The following RBFOX2 variants were observed in gnomAD, a reference collection of about 807,000 sequenced individuals.
RBFOX2 encodes RNA binding fox-1 homolog 2, also known as RNA binding protein fox-1 homolog 2.
RBFOX2 carries 10 observed loss-of-function variants against 49.1 expected under a neutral mutation model. The ratio of observed to expected loss-of-function variants is 0.20; its 90% CI spans 0.13 to 0.35. RBFOX2 has a LOEUF of 0.35. Among genes scored for constraint, RBFOX2 ranks in the 10% least tolerant of loss-of-function variants. The pLI is 1.00. For missense variants in RBFOX2, 323 were observed against 486.9 expected (o/e 0.66, Z 3.17); for synonymous variants, 183 against 187.4 (o/e 0.98, Z 0.19).
intron 1 of RBFOX2, among the ~76,000 whole-genome samples, chr22:35,839,590 T>A (rs1355586851): frequency 1.3e-5 from 2 of 152,200 alleles, no homozygotes; most frequent in African/African-American, 4.8e-5. Flanking sequence ...TTCGTTCTCC[T>A]GTCAAGGAGG....
chr22:35,815,240 T>C (rs1952801151), intron 1 of RBFOX2, among the ~76,000 whole-genome samples: 1 of 152,200 alleles, frequency 6.6e-6, no homozygotes, highest in Admixed American at 6.5e-5. Context: ...CCAGATGGGT[T>C]GTTTACTTCA....
At chr22:35,979,781 C>T (rs934530428) in intron 1 of RBFOX2, among the ~76,000 whole-genome samples, 2 of 152,150 alleles carry the variant, frequency 1.3e-5, no homozygotes, top group African/African-American at 4.8e-5. Flanking sequence ...ATTCTCACAA[C>T]GAAAGCTGAT....
At position 35,993,705 on chromosome 22, in the gene RBFOX2, G is replaced by C. The variant is rs544999238; in HGVS notation, c.186+34535C>G. Reference sequence around the variant, plus strand: ...GAGAAATAACTAATAGGGAGGGTATGTTGTAGTGCACTGTGTTATGAATCC... The same window carrying C: ...GAGAAATAACTAATAGGGAGGGTATCTTGTAGTGCACTGTGTTATGAATCC... On this transcript the variant is annotated intron_variant, in intron 1 of 13. Transcript: ENST00000438146. The C allele has an allele frequency of 3.3e-5, 5 of 152,316 alleles. No individual in the cohort carries two copies. In the East Asian group the frequency reaches 9.6e-4, roughly 29 times the overall value. The allele number at this position is 152,316 out of a possible 1,614,324, so 9.4% of individuals were successfully genotyped here. A position where few individuals can be genotyped will look rare whatever the true frequency, so the allele number is the denominator to read the frequency against.
At chr22:35,886,068 G>A (rs559444652) in intron 1 of RBFOX2, among the ~76,000 whole-genome samples, 6 of 151,772 alleles carry the variant, frequency 4.0e-5, no homozygotes, top group Non-Finnish European at 5.9e-5. Flanking sequence ...ATGTTAGCCA[G>A]GATGGTCTCG....
intron 1 of RBFOX2, among the ~76,000 whole-genome samples, chr22:35,930,660 T>A (rs1303553458): frequency 6.6e-6 from 1 of 151,670 alleles, no homozygotes; most frequent in Admixed American, 6.6e-5. Context: ...AGGAACCCCA[T>A]CTCTACTAAA....
In RBFOX2 at chr22:35,881,603, AT is replaced by A. The variant is rs556228272; in HGVS notation, c.-34+57243del. 4.1e-3 allele frequency among the ~76,000 whole-genome samples: 601 copies of A among 147,496 alleles called. 5 individuals are homozygous for A. Among genetic ancestry groups the A allele is most frequent in the Middle Eastern group, 7.4e-3 (2 of 272 alleles). On this transcript the variant is annotated intron_variant, in intron 1 of 13. Coordinates refer to the RBFOX2 transcript ENST00000359369. ...TCTCCAAAAAAAAAAAAAGGAAGAA[AT>A]TTTTTTTTAATGTCTAATGCAGTTG...
chr22:35,982,417 C>T (rs573070997), intron 1 of RBFOX2, among the ~76,000 whole-genome samples: 39 of 152,192 alleles, frequency 2.6e-4, no homozygotes, highest in African/African-American at 8.2e-4. Context: ...GCACTTACCA[C>T]ATTATAGGTC....
intron 1 of RBFOX2, among the ~76,000 whole-genome samples, chr22:36,001,381 A>C (rs1156667405): frequency 1.3e-5 from 2 of 152,220 alleles, no homozygotes; most frequent in African/African-American, 4.8e-5. Context: ...TAAGAAAAAA[A>C]CAATTCTTTT....
chr22:36,006,546 T>C (rs1184821791), intron 1 of RBFOX2, among the ~76,000 whole-genome samples: 2 of 152,174 alleles, frequency 1.3e-5, no homozygotes, highest in East Asian at 1.9e-4. Context: ...TCTGAAGTGG[T>C]AGGAGAATCT....
At chr22:35,814,492 T>G (rs1380551498) in intron 1 of RBFOX2, among the ~76,000 whole-genome samples, 1 of 151,904 alleles carries the variant, frequency 6.6e-6, no homozygotes, top group African/African-American at 2.4e-5. Flanking sequence ...GAGGATCACT[T>G]GAGCCCAGGA....
chr22:35,769,849 A>G (rs1361620099), intron 4 of RBFOX2, among the ~76,000 whole-genome samples: 1 of 152,148 alleles, frequency 6.6e-6, no homozygotes, highest in Non-Finnish European at 1.5e-5. Flanking sequence ...CTAAGTGATT[A>G]TGTGGGTGGG....
chr22:35,740,759 A>G (rs1929496555), exon 12 of RBFOX2: 1 of 152,356 alleles, frequency 6.6e-6, no homozygotes, highest in Non-Finnish European at 1.5e-5. Flanking sequence ...CCCTTCTTGC[A>G]TATCCTTGGG....
chr22:35,841,769 G>A (rs531523549), upstream of RBFOX2, among the ~76,000 whole-genome samples: 19 of 151,842 alleles, frequency 1.3e-4, no homozygotes, highest in South Asian at 2.9e-3. Context: ...CTAACAACAC[G>A]AGCTCTCCAT....
intron 1 of RBFOX2, among the ~76,000 whole-genome samples, chr22:35,974,110 G>A (rs2057023319): frequency 6.6e-6 from 1 of 152,132 alleles, no homozygotes. Flanking sequence ...TGGCAGCTCG[G>A]CTGACTCCCA....
intron 2 of RBFOX2, among the ~76,000 whole-genome samples, chr22:35,796,949 T>C (rs552617715): frequency 6.6e-5 from 10 of 152,330 alleles, no homozygotes; most frequent in Admixed American, 2.6e-4. Context: ...GTTTCTTCCC[T>C]TGAAGTGGCA....
intron 4 of RBFOX2, among the ~76,000 whole-genome samples, chr22:35,776,642 C>T (rs1311263746): frequency 6.6e-6 from 1 of 151,926 alleles, no homozygotes; most frequent in Middle Eastern, 3.2e-3. Flanking sequence ...TTTAGCTTTC[C>T]CTCAAATTAC....
At chr22:35,810,996 T>G (rs144103778) in intron 1 of RBFOX2, among the ~76,000 whole-genome samples, 2 of 152,336 alleles carry the variant, frequency 1.3e-5, no homozygotes, top group Non-Finnish European at 1.5e-5. Context: ...GTGTTACTCT[T>G]AAGAGAATGG....
chr22:35,891,805 G>A (rs891092008), intron 1 of RBFOX2, among the ~76,000 whole-genome samples: 2 of 151,342 alleles, frequency 1.3e-5, no homozygotes, highest in African/African-American at 4.9e-5. Flanking sequence ...GGCGAGAGAG[G>A]GAAAATAAAT....
intron 6 of RBFOX2, among the ~76,000 whole-genome samples, chr22:35,762,985 G>T (rs1298107041): frequency 6.6e-6 from 1 of 151,970 alleles, no homozygotes; most frequent in Non-Finnish European, 1.5e-5. Flanking sequence ...CAAAATCTAG[G>T]TTCAAATCCT....
Sources: allele counts gnomAD v4.1 joint callset (sites outside exome capture counted in the v4.1 genomes callset), GRCh38; gene constraint gnomAD v4.1.1; transcripts MANE v1.5; gene names NCBI Gene and HGNC (gene_info 2026-07-23, HGNC 2026-07-21).